ILRUN: variants seen among roughly 807,000 people sequenced by gnomAD.
The protein encoded by ILRUN is inflammation and lipid regulator with UBA-like and NBR1-like domains, also known as protein ILRUN.
A neutral mutation model predicts 33.8 loss-of-function variants in ILRUN; 3 were observed. The observed-to-expected ratio is 0.09, with a 90% CI of 0.04 to 0.23. ILRUN has a LOEUF of 0.23. Ranked by LOEUF, ILRUN falls within the 10% of genes least tolerant of loss-of-function variation. ILRUN has a pLI of 1.00. For synonymous variants in ILRUN, 124 were observed against 138.9 expected (o/e 0.89, Z 0.75); for missense variants, 210 against 375.1 (o/e 0.56, Z 3.64).
chr6:34,683,433 TATATATACATATATATATAC>T lies in ILRUN; in HGVS notation c.158+12993_158+13012del, dbSNP rs1763424410. Among the ~76,000 whole-genome samples, 9 of 81,814 alleles carry T rather than the reference TATATATACATATATATATAC, an allele frequency of 1.1e-4. 1 individual carries two copies. In the Admixed American group the frequency reaches 1.1e-3, roughly 10 times the overall value. The allele number at this position is 81,814 out of a possible 152,430, so 53.7% of individuals were successfully genotyped here. A position where few individuals can be genotyped will look rare whatever the true frequency, so the allele number is the denominator to read the frequency against. On this transcript the variant is annotated intron_variant, in intron 1 of 4. Coordinates refer to ENST00000374023, the MANE Select transcript of ILRUN (RefSeq NM_024294.4). Reference sequence around the variant, plus strand: ...ATATATATATACATATATATACATATATATATACATATATATATACATATATATACATATATATACACATA... The same window carrying T: ...ATATATATATACATATATATACATATATATATATACATATATATACACATA...
chr6:34,617,876 A>G (rs1449336998), intron 3 of ILRUN, among the ~76,000 whole-genome samples: 7 of 152,192 alleles, frequency 4.6e-5, no homozygotes, highest in Non-Finnish European at 1.0e-4. Context: ...AGATCAACCA[A>G]TGGGCACAAG....
rs1342525535 is a variant in ILRUN, at chr6:34,589,439, G to T, written c.*1126C>A. ...TCCCCATGACAAATTCCCCCTTTGG[G>T]GCTGTATTTTCATACCTCTACAGAT... On this transcript the variant is annotated 3_prime_UTR_variant, in exon 5 of 5. Transcript: ENST00000374023. 1 of 152,272 alleles carries T rather than the reference G, an allele frequency of 6.6e-6. No homozygotes were observed. The highest frequency in any genetic ancestry group is 1.5e-5 in the Non-Finnish European group (1 of 68,064). The allele number at this position is 152,272 out of a possible 1,614,324, so 9.4% of individuals were successfully genotyped here.
chr6:34,605,512 C>T (rs2127319866), intron 4 of ILRUN, among the ~76,000 whole-genome samples: 1 of 151,642 alleles, frequency 6.6e-6, no homozygotes, highest in Non-Finnish European at 1.5e-5. Context: ...ACCTGTAATC[C>T]CAGCTACTCA....
chr6:34,686,424 C>T (rs1207470089), intron 1 of ILRUN, among the ~76,000 whole-genome samples: 2 of 150,506 alleles, frequency 1.3e-5, no homozygotes, highest in Non-Finnish European at 3.0e-5. Context: ...GGCGTGAACC[C>T]AGGAGGCGGA....
At chr6:34,681,839 CACT>C (rs1243431748) in intron 1 of ILRUN, among the ~76,000 whole-genome samples, 1 of 142,678 alleles carries the variant, frequency 7.0e-6, no homozygotes, top group Non-Finnish European at 1.5e-5. Context: ...CAAAGTCCAC[CACT>C]ACATTTTTTT....
intron 1 of ILRUN, chr6:34,685,238 A>G (rs930299521): frequency 5.5e-4 from 83 of 152,214 alleles, no homozygotes; most frequent in African/African-American, 1.9e-3. Flanking sequence ...AGGGCCTTAA[A>G]GATAACTCAG....
chr6:34,648,441 C>G (rs972713744), intron 2 of ILRUN, among the ~76,000 whole-genome samples: 3 of 152,280 alleles, frequency 2.0e-5, no homozygotes, highest in Admixed American at 1.3e-4. Context: ...CCTCTGTGCT[C>G]CTTGGGTCTT....
At chr6:34,630,424 G>A (rs1046472825) in intron 3 of ILRUN, among the ~76,000 whole-genome samples, 2 of 152,056 alleles carry the variant, frequency 1.3e-5, no homozygotes, top group East Asian at 1.9e-4. Flanking sequence ...TCACTCTGTC[G>A]CCAGTCCGGA....
chr6:34,678,980 T>G (rs1184895910), intron 1 of ILRUN, among the ~76,000 whole-genome samples: 1 of 151,330 alleles, frequency 6.6e-6, no homozygotes, highest in Non-Finnish European at 1.5e-5. Flanking sequence ...AAAGTACTCA[T>G]GAGAAATGAC....
At chr6:34,608,747 A>G (rs538384965) in intron 3 of ILRUN, among the ~76,000 whole-genome samples, 38 of 152,318 alleles carry the variant, frequency 2.5e-4, no homozygotes, top group Admixed American at 9.2e-4. Flanking sequence ...ACCTATCCAC[A>G]ATTAAACCAT....
chr6:34,674,610 CAAGG>C (rs1763188374), intron 1 of ILRUN, among the ~76,000 whole-genome samples: 1 of 152,082 alleles, frequency 6.6e-6, no homozygotes, highest in African/African-American at 2.4e-5. Context: ...TCTGGGGAGT[CAAGG>C]AAGGAAGAAA....
At chr6:34,608,860 G>A (rs1761686747) in intron 3 of ILRUN, among the ~76,000 whole-genome samples, 1 of 152,198 alleles carries the variant, frequency 6.6e-6, no homozygotes, top group Admixed American at 6.5e-5. Context: ...AAAGAAAGTA[G>A]CGGTTCCTGA....
intron 3 of ILRUN, among the ~76,000 whole-genome samples, chr6:34,637,246 T>C (rs889535925): frequency 2.6e-5 from 4 of 152,190 alleles, no homozygotes; most frequent in South Asian, 2.1e-4. Context: ...CTAATGCATA[T>C]ATACAAAAAA....
At chr6:34,627,071 C>G (rs1362553673) in intron 3 of ILRUN, among the ~76,000 whole-genome samples, 1 of 152,104 alleles carries the variant, frequency 6.6e-6, no homozygotes, top group African/African-American at 2.4e-5. Flanking sequence ...CTATTCATCT[C>G]TCCCTGCCCC....
chr6:34,651,151 T>A (rs1762658875), intron 2 of ILRUN, among the ~76,000 whole-genome samples: 1 of 152,072 alleles, frequency 6.6e-6, no homozygotes, highest in East Asian at 1.9e-4. Context: ...ATGGAAAACA[T>A]CCAATTTATA....
At chr6:34,664,476 T>C (rs542171801) in intron 1 of ILRUN, among the ~76,000 whole-genome samples, 1 of 152,180 alleles carries the variant, frequency 6.6e-6, no homozygotes, top group Non-Finnish European at 1.5e-5. Flanking sequence ...GGGATCAAAA[T>C]GGTGCTGTTT....
intron 3 of ILRUN, among the ~76,000 whole-genome samples, chr6:34,642,043 C>T (rs1217750598): frequency 6.6e-6 from 1 of 152,132 alleles, no homozygotes; most frequent in East Asian, 1.9e-4. Flanking sequence ...ATGAATTTTG[C>T]TAAAACTGAA....
intron 1 of ILRUN, among the ~76,000 whole-genome samples, chr6:34,674,122 GT>G (rs1416146286): frequency 2.0e-5 from 3 of 152,152 alleles, no homozygotes; most frequent in Admixed American, 6.5e-5. Context: ...CCGCCTCCGG[GT>G]TCAAGCAATT....
chr6:34,596,525 C>T (rs1404132669), intron 4 of ILRUN, among the ~76,000 whole-genome samples: 1 of 152,136 alleles, frequency 6.6e-6, no homozygotes, highest in East Asian at 1.9e-4. Flanking sequence ...GTTGGCCAGG[C>T]TGGTCTAGAA....
Sources: allele counts gnomAD v4.1 joint callset (sites outside exome capture counted in the v4.1 genomes callset), GRCh38; gene constraint gnomAD v4.1.1; transcripts MANE v1.5; gene names NCBI Gene and HGNC (gene_info 2026-07-23, HGNC 2026-07-21).